The following ABITRAM variants were observed in gnomAD, a reference collection of about 807,000 sequenced individuals.
ABITRAM encodes the protein actin binding transcription modulator, also known as protein Abitram.
A neutral mutation model predicts 22.9 loss-of-function variants in ABITRAM; 19 were observed. The ratio of observed to expected loss-of-function variants is 0.83; its 90% CI spans 0.58 to 1.22. The LOEUF is 1.22. Among genes scored for constraint, ABITRAM ranks in the 50% most tolerant of loss-of-function variants. The pLI is 0.00. For synonymous variants in ABITRAM, 70 were observed against 73.9 expected, an observed-to-expected ratio of 0.95 and a Z score of 0.27; for missense variants, 215 against 220.2, an observed-to-expected ratio of 0.98 and a Z score of 0.15.
chr9:108,946,072 G>A (rs1053332013), intron 3 of ABITRAM, among the ~76,000 whole-genome samples: 11 of 151,898 alleles, frequency 7.2e-5, no homozygotes, highest in African/African-American at 1.5e-4. Flanking sequence ...AGGCTGAGGC[G>A]GGCGAATCAC....
chr9:108,937,339 A>G (rs1402468475), intron 3 of ABITRAM, among the ~76,000 whole-genome samples: 10 of 152,210 alleles, frequency 6.6e-5, no homozygotes, highest in African/African-American at 2.4e-4. Context: ...CAAAATGGAC[A>G]GATTATTAAA....
chr9:108,938,453 T>A (rs1830214072), intron 3 of ABITRAM, among the ~76,000 whole-genome samples: 1 of 152,184 alleles, frequency 6.6e-6, no homozygotes, highest in Admixed American at 6.5e-5. Context: ...AGCCTCCCTG[T>A]AGATACTTGT....
chr9:108,944,147 C>G (rs1436117648), downstream of ABITRAM: 9 of 884,236 alleles, frequency 1.0e-5, no homozygotes, highest in South Asian at 1.3e-4. Context: ...CTGTCAGGAA[C>G]TCCTAAACTT....
chr9:108,943,715 T>A (rs1353419860), downstream of ABITRAM: 5 of 1,611,480 alleles, frequency 3.1e-6, no homozygotes, highest in Non-Finnish European at 4.2e-6. Flanking sequence ...TTAGAAATAC[T>A]TTATTCTGCA....
intron 3 of ABITRAM, among the ~76,000 whole-genome samples, chr9:108,937,127 T>G (rs938624969): frequency 5.3e-5 from 8 of 152,138 alleles, no homozygotes; most frequent in Admixed American, 3.3e-4. Context: ...ACCACTGCAC[T>G]CCAGCCTGAG....
chr9:108,939,407 G>C lies in ABITRAM; in HGVS notation c.361G>C (p.Glu121Gln). 6.2e-7 allele frequency: 1 copy of C among 1,610,548 alleles called. No individual in the cohort carries two copies. The highest frequency in any genetic ancestry group is 1.1e-5 in the South Asian group (1 of 89,880). Reference protein sequence around the residue: ...VSSCVRGRLMEVNENILHKPS... With the variant: ...VSSCVRGRLMQVNENILHKPS... ...TAGTTGTGTTAGAGGACGTTTGATGGAAGTGAATGAAAACATCCTCCATAA... is the reference window on the plus strand; with the variant it reads ...TAGTTGTGTTAGAGGACGTTTGATGCAAGTGAATGAAAACATCCTCCATAA... The change falls in exon 5 of 6, where the codon GAA becomes CAA. Residue 121 changes from glutamate (E) to glutamine (Q), a missense_variant. Coordinates refer to ENST00000322940, the MANE Select transcript of ABITRAM (RefSeq NM_017832.4).
At chr9:108,950,048 C>T (rs1334187454) in intron 3 of ABITRAM, among the ~76,000 whole-genome samples, 1 of 149,220 alleles carries the variant, frequency 6.7e-6, no homozygotes, top group African/African-American at 2.5e-5. Flanking sequence ...AAAAACCAGG[C>T]AAGTCTATTG....
intron 3 of ABITRAM, among the ~76,000 whole-genome samples, chr9:108,947,838 A>C (rs1365945651): frequency 6.6e-6 from 1 of 152,228 alleles, no homozygotes; most frequent in Non-Finnish European, 1.5e-5. Context: ...CAATTCAATA[A>C]TGAAGAGGCC....
downstream of ABITRAM, chr9:108,942,817 G>A (rs145557564): frequency 1.5e-5 from 24 of 1,613,472 alleles, no homozygotes; most frequent in Admixed American, 3.3e-5. Flanking sequence ...AGACCCATCC[G>A]TTATTTTCCA....
At chr9:108,935,892 A>C in intron 2 of ABITRAM, 1 of 568,894 alleles carries the variant, frequency 1.8e-6, no homozygotes, top group Non-Finnish European at 3.1e-6. Flanking sequence ...TGAACATATA[A>C]ATTTGATTAC....
At chr9:108,934,870 C>T (rs1226291621) in intron 1 of ABITRAM, among the ~76,000 whole-genome samples, 1 of 152,068 alleles carries the variant, frequency 6.6e-6, no homozygotes, top group African/African-American at 2.4e-5. Context: ...TTGCAACAGT[C>T]CTTAAGTGCC....
intron 3 of ABITRAM, among the ~76,000 whole-genome samples, chr9:108,938,458 A>G (rs1390159139): frequency 6.6e-6 from 1 of 152,174 alleles, no homozygotes; most frequent in Non-Finnish European, 1.5e-5. Context: ...CCCTGTAGAT[A>G]CTTGTGAGAG....
At chr9:108,938,695 G>GC (rs920781803) in intron 3 of ABITRAM, among the ~76,000 whole-genome samples, 1 of 145,890 alleles carries the variant, frequency 6.9e-6, no homozygotes, top group African/African-American at 2.5e-5. Context: ...TACAAAGGGG[G>GC]GGGGGGGAAA....
chr9:108,939,794 C>A lies in ABITRAM; in HGVS notation c.*108C>A. The A allele has an allele frequency of 7.6e-7, 1 of 1,310,746 alleles. No homozygotes were observed. Among genetic ancestry groups the A allele is most frequent in the Non-Finnish European group, 1.1e-6 (1 of 949,714 alleles). 81.2% of individuals were successfully genotyped at this position (1,310,746 alleles called of 1,614,324 possible). A position where few individuals can be genotyped will look rare whatever the true frequency, so the allele number is the denominator to read the frequency against. On this transcript the variant is annotated 3_prime_UTR_variant, in exon 6 of 6. Transcript: ENST00000322940. ...TATGTAAAGCATACCTAACAGCCAG[C>A]CATATGCAGGGGAGGCCTAGTGCTT...
rs1325162133 is a variant in ABITRAM at position 108,939,459 on chromosome 9, AAGAG to A, written c.408+11_408+14del. 5.0e-6 allele frequency: 8 copies of A among 1,607,380 alleles called. No individual in the cohort carries two copies. The highest frequency in any genetic ancestry group is 2.7e-5 in the African/African-American group (2 of 74,308). ...CCATCTATTCTTCAAGAAAAGGTAA[AAGAG>A]AGAGAAAAAATATGATCTCATCCAC... On this transcript the variant is annotated splice_donor_region_variant and intron_variant, in intron 5 of 5. Transcript: ENST00000322940.
chr9:108,944,506 C>T (rs1564118230), downstream of ABITRAM, among the ~76,000 whole-genome samples: 1 of 152,120 alleles, frequency 6.6e-6, no homozygotes, highest in Admixed American at 6.5e-5. Context: ...GTTTTTGTTG[C>T]CACTTTTTTT....
chr9:108,950,546 A>G lies in ABITRAM; in HGVS notation c.301A>G (p.Arg101Gly), dbSNP rs934996691. Residue 101 changes from arginine (R) to glycine (G), a missense_variant, in exon 4 of 4, where the codon AGG becomes GGG. Physicochemically the swap from Arg to Gly is moderately radical, Grantham distance 125 (BLOSUM62 -2). Coordinates refer to the ABITRAM transcript ENST00000374624. ...AGAAAAGGTAGAAGACGTCATCAAG[A>G]GGAAAATGATGCCTCTAAGCTTGGG... The G allele has an allele frequency of 5.2e-6, 8 of 1,550,356 alleles. No homozygotes were observed. In the African/African-American group the frequency reaches 1.1e-4, roughly 21 times the overall value.
At chr9:108,943,667 A>G, downstream of ABITRAM, 2 of 1,563,056 alleles carry the variant, frequency 1.3e-6, no homozygotes, top group Non-Finnish European at 1.7e-6. Context: ...CCAGATAAAG[A>G]TAGATGTGTG....
chr9:108,942,981 A>G (rs148910540), downstream of ABITRAM: 5 of 1,612,986 alleles, frequency 3.1e-6, no homozygotes, highest in African/African-American at 6.7e-5. Context: ...AGTTTATAAC[A>G]AAGTGAAAGA....
Sources: allele counts gnomAD v4.1 joint callset (sites outside exome capture counted in the v4.1 genomes callset), GRCh38; gene constraint gnomAD v4.1.1; transcripts MANE v1.5; gene names NCBI Gene and HGNC (gene_info 2026-07-23, HGNC 2026-07-21).